The following NRXN3 variants were observed in gnomAD, a reference collection of about 807,000 sequenced individuals.
The protein encoded by NRXN3 is neurexin III.
A neutral mutation model predicts 137.6 loss-of-function variants in NRXN3; 32 were observed. The ratio of observed to expected loss-of-function variants is 0.23; its 90% CI spans 0.18 to 0.31. The LOEUF (loss-of-function observed/expected upper bound fraction) is 0.31, where lower values mean the gene tolerates loss of function less well. NRXN3 is among the 10% of genes least tolerant of loss of function. NRXN3 has a pLI of 1.00. For missense variants in NRXN3, 1,574 were observed against 2,062.5 expected, an observed-to-expected ratio of 0.76 and a Z score of 4.59; for synonymous variants, 798 against 784.5, an observed-to-expected ratio of 1.02 and a Z score of -0.29.
At position 79,705,688 on chromosome 14, in the gene NRXN3, A is replaced by G. The variant is rs139546438; in HGVS notation, c.4014+7751A>G. Among the ~76,000 whole-genome samples, 294 of 152,022 alleles carry G rather than the reference A, an allele frequency of 1.9e-3. 1 individual carries two copies. Among genetic ancestry groups the G allele is most frequent in the African/African-American group, 6.8e-3 (282 of 41,490 alleles). On this transcript the variant is annotated intron_variant, in intron 19 of 20. Transcript: ENST00000335750. ...CTGCAGCAGCCCTTCCCTGCTATTC[A>G]CAGTACTCACTCCCTCACTTCACCC...
chr14:78,973,460 G>A (rs1261282862), intron 14 of NRXN3, among the ~76,000 whole-genome samples: 1 of 152,102 alleles, frequency 6.6e-6, no homozygotes, highest in Non-Finnish European at 1.5e-5. Context: ...GGGCATTTGG[G>A]AGACACTAAT....
At chr14:78,755,609 T>A (rs1405792365) in intron 8 of NRXN3, among the ~76,000 whole-genome samples, 1 of 152,210 alleles carries the variant, frequency 6.6e-6, no homozygotes, top group Non-Finnish European at 1.5e-5. Flanking sequence ...AATTTACAAG[T>A]TTCTTCTTTG....
chr14:79,767,246 A>G (rs1444126908), intron 19 of NRXN3, among the ~76,000 whole-genome samples: 1 of 152,218 alleles, frequency 6.6e-6, no homozygotes, highest in Non-Finnish European at 1.5e-5. Context: ...CTGGGCTTCA[A>G]TATTACAGAC....
intron 15 of NRXN3, among the ~76,000 whole-genome samples, chr14:79,308,802 A>G (rs952365849): frequency 6.7e-6 from 1 of 149,606 alleles, no homozygotes; most frequent in African/African-American, 2.5e-5. Flanking sequence ...CTGAATGTGT[A>G]CAACAGCCAG....
intron 20 of NRXN3, among the ~76,000 whole-genome samples, chr14:79,828,924 G>T (rs1458509382): frequency 2.8e-4 from 43 of 152,154 alleles, no homozygotes; most frequent in Admixed American, 2.8e-3. Context: ...TCCATGTTGT[G>T]CTGGAGATAC....
chr14:79,116,751 T>C (rs1280764249), intron 15 of NRXN3, among the ~76,000 whole-genome samples: 1 of 152,204 alleles, frequency 6.6e-6, no homozygotes, highest in African/African-American at 2.4e-5. Context: ...GTTGCAGAAG[T>C]TTGGGAGACT....
intron 4 of NRXN3, among the ~76,000 whole-genome samples, chr14:78,466,423 A>G (rs972329483): frequency 1.3e-5 from 2 of 152,322 alleles, no homozygotes; most frequent in African/African-American, 4.8e-5. Context: ...AAGACTGAGT[A>G]GTATTTCTAT....
intron 20 of NRXN3, among the ~76,000 whole-genome samples, chr14:79,807,939 T>G (rs535015883): frequency 5.4e-4 from 82 of 152,266 alleles, no homozygotes; most frequent in African/African-American, 1.9e-3. Flanking sequence ...GAGAAGAGGT[T>G]TGCCCAGAGG....
intron 20 of NRXN3, among the ~76,000 whole-genome samples, chr14:79,830,566 C>CCT (rs2141237481): frequency 6.6e-6 from 1 of 152,192 alleles, no homozygotes; most frequent in East Asian, 1.9e-4. Context: ...TTAGGGGTTG[C>CCT]CTATAGGCCT....
intron 16 of NRXN3, among the ~76,000 whole-genome samples, chr14:79,589,809 C>T (rs2153819877): frequency 1.3e-5 from 2 of 152,226 alleles, no homozygotes; most frequent in South Asian, 4.1e-4. Flanking sequence ...GTCTCTGACG[C>T]TAAAATTGAG....
intron 10 of NRXN3, among the ~76,000 whole-genome samples, chr14:78,931,024 A>G (rs928264737): frequency 6.6e-6 from 1 of 152,212 alleles, no homozygotes; most frequent in Non-Finnish European, 1.5e-5. Flanking sequence ...TAATATAGTA[A>G]AAGGAAAATG....
intron 15 of NRXN3, among the ~76,000 whole-genome samples, chr14:79,067,653 T>C (rs1166536610): frequency 6.6e-6 from 1 of 152,020 alleles, no homozygotes; most frequent in African/African-American, 2.4e-5. Context: ...CGTGGTCTAT[T>C]CAGGGATTCA....
At chr14:79,582,512 C>G (rs1278633678) in intron 16 of NRXN3, among the ~76,000 whole-genome samples, 1 of 152,088 alleles carries the variant, frequency 6.6e-6, no homozygotes, top group African/African-American at 2.4e-5. Flanking sequence ...TCTCTGCCTC[C>G]TGGGTTGAAG....
chr14:78,759,640 T>A (rs2098684617), intron 8 of NRXN3, among the ~76,000 whole-genome samples: 1 of 152,236 alleles, frequency 6.6e-6, no homozygotes, highest in Non-Finnish European at 1.5e-5. Context: ...TAAGCAGCCA[T>A]GATTTCTTGA....
chr14:78,318,632 C>A (rs2078978405), intron 4 of NRXN3, among the ~76,000 whole-genome samples: 1 of 152,150 alleles, frequency 6.6e-6, no homozygotes, highest in South Asian at 2.1e-4. Context: ...CCCCCCGATT[C>A]CCCCAATGTC....
chr14:79,540,396 A>C (rs1022596286), intron 16 of NRXN3, among the ~76,000 whole-genome samples: 4 of 152,124 alleles, frequency 2.6e-5, no homozygotes, highest in Admixed American at 6.5e-5. Context: ...CGTATTCATC[A>C]CCTCATATAT....
chr14:79,015,092 G>A (rs1333513156), intron 15 of NRXN3, among the ~76,000 whole-genome samples: 1 of 152,204 alleles, frequency 6.6e-6, no homozygotes, highest in South Asian at 2.1e-4. Flanking sequence ...GGTGACAGAT[G>A]TTCCTCTTGG....
intron 10 of NRXN3, among the ~76,000 whole-genome samples, chr14:78,949,597 T>TG (rs1463222611): frequency 3.0e-5 from 4 of 133,510 alleles, no homozygotes; most frequent in East Asian, 2.5e-4. Context: ...AGTGAATTTT[T>TG]TTTTTTAAAA....
chr14:78,260,363 G>C (rs1213538099), intron 2 of NRXN3, among the ~76,000 whole-genome samples: 1 of 152,182 alleles, frequency 6.6e-6, no homozygotes, highest in Non-Finnish European at 1.5e-5. Context: ...TCTTGGACTG[G>C]CTCTCCTAGC....
Sources: gnomAD v4.1 joint callset for allele counts (sites outside exome capture counted in the v4.1 genomes callset) on GRCh38, gnomAD v4.1.1 for gene constraint, MANE v1.5 for transcripts, NCBI Gene and HGNC (gene_info 2026-07-23, HGNC 2026-07-21) for gene names.